PCNX4: variants seen among roughly 807,000 people sequenced by gnomAD.
The protein encoded by PCNX4 is pecanex 4, also known as pecanex-like protein 4.
In PCNX4, 103 loss-of-function variants were observed where a neutral mutation model predicts 107.2. The observed-to-expected ratio is 0.96, with a 90% confidence interval of 0.82 to 1.13. PCNX4 has a LOEUF of 1.13. Among genes scored for constraint, PCNX4 ranks in the 50% most tolerant of loss-of-function variants. PCNX4 has a pLI of 0.00. For synonymous variants in PCNX4, 541 were observed against 481.7 expected, an observed-to-expected ratio of 1.12 and a Z score of -1.61; for missense variants, 1,528 against 1,379.4, an observed-to-expected ratio of 1.11 and a Z score of -1.71.
chr14:60,092,344 G>T lies in PCNX4; in HGVS notation c.-129G>T, dbSNP rs1895317178. ...CACTAACCAACCTCCCGGCGGGAGC[G>T]CCCAGCCCGAGTTTACCTGCAAAAA... is the stretch of plus-strand genomic sequence containing the variant. On this transcript the variant is annotated 5_prime_UTR_variant, in exon 1 of 11. Coordinates refer to ENST00000406854, the MANE Select transcript of PCNX4 (RefSeq NM_001330177.2). The T allele has an allele frequency of 6.6e-6, 1 of 152,230 alleles. No individual in the cohort carries two copies. The highest frequency in any genetic ancestry group is 2.4e-5 in the African/African-American group (1 of 41,458). The allele number at this position is 152,230 out of a possible 1,614,324, so 9.4% of individuals were successfully genotyped here. A position where few individuals can be genotyped will look rare whatever the true frequency, so the allele number is the denominator to read the frequency against.
intron 10 of PCNX4, chr14:60,133,694 A>G: frequency 1.7e-6 from 1 of 584,708 alleles, no homozygotes; most frequent in Non-Finnish European, 3.2e-6. Flanking sequence ...CAGATCAGAA[A>G]AGGCAGACAA....
Position 60,120,404 on chromosome 14 carries a change from A to G in PCNX4, c.1943-792A>G, listed in dbSNP as rs553745061. Among the ~76,000 whole-genome samples, 25 of 151,410 alleles carry G rather than the reference A, an allele frequency of 1.7e-4. No homozygotes were observed. The South Asian group carries it at 5.2e-3, about 31-fold the overall frequency. On this transcript the variant is annotated intron_variant, in intron 7 of 10. Coordinates refer to ENST00000406854, the MANE Select transcript of PCNX4 (RefSeq NM_001330177.2). ...TCAGTATATACTATATTGTTTGTAC[A>G]GTTAGACACAATACGAGAGTCTTAT...
At chr14:60,121,413 G>C in intron 8 of PCNX4, 114 bp downstream of exon 8, 1 of 1,103,996 alleles carries the variant, frequency 9.1e-7, no homozygotes, top group Non-Finnish European at 1.3e-6. Context: ...TCAATTACCT[G>C]TGAAAACACC....
chr14:60,097,256 C>G (rs769319554), intron 1 of PCNX4, among the ~76,000 whole-genome samples: 6 of 152,080 alleles, frequency 3.9e-5, no homozygotes, highest in Non-Finnish European at 8.8e-5. Context: ...GTCTACGGAA[C>G]CAGGGTAATT....
Position 60,108,119 on chromosome 14 carries a change from A to G in PCNX4, c.481A>G (p.Asn161Asp), listed in dbSNP as rs771903680. Residue 161 changes from asparagine to aspartate, a missense_variant, in exon 2 of 11, where the codon AAT becomes GAT. By Grantham distance (23) the Asn-to-Asp change is conservative. Coordinates refer to ENST00000406854, the MANE Select transcript of PCNX4 (RefSeq NM_001330177.2). ...TCTTGGAACATGGTATCTGCTCCCA[A>G]ATAGAATAACCTTGCTGTATGGCAG... Reference protein sequence around the residue: ...CGLGTWYLLPNRITLLYGSTG... With the variant: ...CGLGTWYLLPDRITLLYGSTG... 5 of 1,612,846 alleles carry G rather than the reference A, an allele frequency of 3.1e-6. No homozygotes were observed. The highest frequency in any genetic ancestry group is 2.5e-6 in the Non-Finnish European group (3 of 1,179,868).
At position 60,116,228 on chromosome 14, in the gene PCNX4, A is replaced by G. The variant is rs1480668650; in HGVS notation, c.1578+168A>G. 3.3e-5 allele frequency among the ~76,000 whole-genome samples: 5 copies of G among 152,118 alleles called. No homozygotes were observed. The South Asian group carries it at 6.2e-4, about 19-fold the overall frequency. ...CTGTTATTTCCCATTCCCCCTCTCC[A>G]TCTCGCCTACTACCCACTGTAGTCC... is the stretch of plus-strand genomic sequence containing the variant. On this transcript the variant is annotated intron_variant, in intron 6 of 10. Coordinates refer to ENST00000406854, the MANE Select transcript of PCNX4 (RefSeq NM_001330177.2).
chr14:60,110,950 G>A (rs1895728864), intron 2 of PCNX4: 1 of 167,006 alleles, frequency 6.0e-6, no homozygotes, highest in Admixed American at 6.5e-5. Context: ...TTATGAAGGT[G>A]AGACCCTAGT....
rs1896287121 is a variant in PCNX4 at position 60,139,895 on chromosome 14, T to C, written c.*5674T>C. 1 of 151,866 alleles carries C rather than the reference T, an allele frequency of 6.6e-6. No homozygotes were observed. Among genetic ancestry groups the C allele is most frequent in the Non-Finnish European group, 1.5e-5 (1 of 67,950 alleles). The allele number at this position is 151,866 out of a possible 1,614,324, so 9.4% of individuals were successfully genotyped here. ...TAGTGAAAGTGCTACATGTCAAAAC[T>C]TATGGTAGACGCCTAAAGCCATGCT... On this transcript the variant is annotated 3_prime_UTR_variant, in exon 11 of 11. Transcript: ENST00000406854.
chr14:60,127,405 GC>G (rs1896075757), intron 10 of PCNX4, among the ~76,000 whole-genome samples: 1 of 152,170 alleles, frequency 6.6e-6, no homozygotes. Context: ...AGAGTAACCA[GC>G]TGGCAATCAG....
chr14:60,114,814 C>CT lies in PCNX4; in HGVS notation c.806dup (p.Leu269PhefsTer63), dbSNP rs1329040753. On this transcript the variant is annotated frameshift_variant, in exon 3 of 11. Coordinates refer to ENST00000406854, the MANE Select transcript of PCNX4 (RefSeq NM_001330177.2). LOFTEE classifies it high-confidence loss of function. ...CTCTGCCCCCACCCGATGCACTTCT[C>CT]TTATGGGCAATGGAGCAGGTTTTAG... 1.2e-6 allele frequency: 2 copies of CT among 1,613,718 alleles called. No individual in the cohort carries two copies. Among genetic ancestry groups the CT allele is most frequent in the African/African-American group, 2.7e-5 (2 of 74,866 alleles).
At chr14:60,096,186 T>G (rs946920547) in intron 1 of PCNX4, among the ~76,000 whole-genome samples, 2 of 152,190 alleles carry the variant, frequency 1.3e-5, no homozygotes, top group African/African-American at 4.8e-5. Context: ...GATTATGTTC[T>G]TCAATTCATC....
At chr14:60,100,103 G>GA (rs1460244930) in intron 1 of PCNX4, among the ~76,000 whole-genome samples, 1 of 151,784 alleles carries the variant, frequency 6.6e-6, no homozygotes. Flanking sequence ...GTAACAGGAA[G>GA]AAAAGAAAAC....
At chr14:60,097,326 G>C (rs748681934) in intron 1 of PCNX4, among the ~76,000 whole-genome samples, 1 of 152,150 alleles carries the variant, frequency 6.6e-6, no homozygotes, top group Non-Finnish European at 1.5e-5. Flanking sequence ...TCAAAGCCTG[G>C]AAAGCTGAGG....
rs1180655425 is a variant in PCNX4, at chr14:60,147,480, G to A, written c.*13259G>A. On this transcript the variant is annotated 3_prime_UTR_variant, in exon 11 of 11. Transcript: ENST00000406854. ...ACAGTGTATATTAGATCATCACAATGTATACCTTAAATATATATAATTTTT... is the reference window on the plus strand; with the variant it reads ...ACAGTGTATATTAGATCATCACAATATATACCTTAAATATATATAATTTTT... The A allele has an allele frequency of 6.6e-6, 1 of 152,106 alleles. No homozygotes were observed. Among genetic ancestry groups the A allele is most frequent in the Non-Finnish European group, 1.5e-5 (1 of 68,020 alleles). The allele number at this position is 152,106 out of a possible 1,614,324, so 9.4% of individuals were successfully genotyped here. A position where few individuals can be genotyped will look rare whatever the true frequency, so the allele number is the denominator to read the frequency against.
chr14:60,123,633 A>G (rs184958100), intron 8 of PCNX4, among the ~76,000 whole-genome samples: 2 of 152,288 alleles, frequency 1.3e-5, no homozygotes, highest in Admixed American at 1.3e-4. Flanking sequence ...GATGATATTC[A>G]CTCAGCATAT....
chr14:60,140,007 A>G lies in PCNX4; in HGVS notation c.*5786A>G, dbSNP rs1459126834. 2.0e-5 allele frequency: 3 copies of G among 152,142 alleles called. No homozygotes were observed. The highest frequency in any genetic ancestry group is 2.0e-4 in the Admixed American group (3 of 15,284). The allele number at this position is 152,142 out of a possible 1,614,324, so 9.4% of individuals were successfully genotyped here. ...AGTTAAAATATTCTAAGAATAGCAA[A>G]TTAAACCTGAAGAAAATAAAGGAAA... On this transcript the variant is annotated 3_prime_UTR_variant, in exon 11 of 11. Transcript: ENST00000406854. This position sits in a 1 kb window ranked among gnomAD's most constrained non-coding sequence, Gnocchi z 4.2.
chr14:60,093,630 A>G (rs755321295), intron 1 of PCNX4, among the ~76,000 whole-genome samples: 2 of 152,156 alleles, frequency 1.3e-5, no homozygotes, highest in African/African-American at 2.4e-5. Flanking sequence ...GCTGTTAGTA[A>G]TATTTCTTCT....
At position 60,145,009 on chromosome 14, in the gene PCNX4, G is replaced by C. The variant is rs775577817; in HGVS notation, c.*10788G>C. The C allele has an allele frequency of 6.3e-7, 1 of 1,589,436 alleles. No individual in the cohort carries two copies. ...AAAGATTTTAAAATAAGAAGAGTCTGCATCCTGTAAAAGAGGGACAGAAAC... is the reference window on the plus strand; with the variant it reads ...AAAGATTTTAAAATAAGAAGAGTCTCCATCCTGTAAAAGAGGGACAGAAAC... On this transcript the variant is annotated 3_prime_UTR_variant, in exon 11 of 11. Transcript: ENST00000406854. The surrounding 1 kb of genome is among the most constrained non-coding windows in gnomAD (Gnocchi z 4.0).
intron 7 of PCNX4, among the ~76,000 whole-genome samples, chr14:60,119,100 CTT>C (rs1469826639): frequency 6.6e-6 from 1 of 152,140 alleles, no homozygotes; most frequent in African/African-American, 2.4e-5. Flanking sequence ...ATAATATCAG[CTT>C]GAGGAGCAGA....
Sources: gnomAD v4.1 joint callset for allele counts (sites outside exome capture counted in the v4.1 genomes callset) on GRCh38, gnomAD v4.1.1 for gene constraint, Gnocchi (gnomAD v3.1) non-coding constraint, MANE v1.5 for transcripts, NCBI Gene and HGNC (gene_info 2026-07-23, HGNC 2026-07-21) for gene names.